Variants in SNX3 observed in about 807,000 individuals in gnomAD.
SNX3 encodes sorting nexin 3.
In SNX3, 5 loss-of-function variants were observed where a neutral mutation model predicts 17.7. The ratio of observed to expected loss-of-function variants is 0.28; its 90% CI spans 0.15 to 0.59. SNX3 has a LOEUF of 0.59. Among genes scored for constraint, SNX3 ranks in the 20% least tolerant of loss-of-function variants. The pLI, the probability that SNX3 is intolerant of heterozygous loss-of-function variation, is 0.88. For synonymous variants in SNX3, 91 were observed against 76.5 expected (o/e 1.19, Z -0.99); for missense variants, 132 against 206.8 (o/e 0.64, Z 2.22).
At chr6:108,221,843 C>T (rs1414387064) in intron 2 of SNX3, among the ~76,000 whole-genome samples, 1 of 152,150 alleles carries the variant, frequency 6.6e-6, no homozygotes, top group Non-Finnish European at 1.5e-5. Context: ...CTGCACCTGG[C>T]CCCTCTTTAT....
At chr6:108,227,272 A>G (rs906283025) in intron 1 of SNX3, among the ~76,000 whole-genome samples, 4 of 152,208 alleles carry the variant, frequency 2.6e-5, no homozygotes, top group Admixed American at 2.6e-4. Flanking sequence ...AAATTACTTT[A>G]CAAAGGGGAT....
At chr6:108,241,143 C>CAA (rs71274311) in intron 1 of SNX3, among the ~76,000 whole-genome samples, 15,679 of 51,088 alleles carry the variant, frequency 0.31, 4,229 homozygotes, top group East Asian at 0.57. Flanking sequence ...GACTCCGTCT[C>CAA]AAAAAAAAAA....
intron 1 of SNX3, among the ~76,000 whole-genome samples, chr6:108,226,080 G>T (rs1215227749): frequency 6.8e-6 from 1 of 146,584 alleles, no homozygotes; most frequent in Non-Finnish European, 1.5e-5. Context: ...GGAGAAGAAA[G>T]ATTTTATTTT....
chr6:108,238,117 A>AC (rs58342820), intron 1 of SNX3, among the ~76,000 whole-genome samples: 38 of 151,210 alleles, frequency 2.5e-4, no homozygotes, highest in African/African-American at 7.5e-4. Context: ...AAAAAAAAAA[A>AC]AAACAAACAA....
chr6:108,215,789 G>A (rs1774550273), intron 2 of SNX3, among the ~76,000 whole-genome samples: 1 of 152,068 alleles, frequency 6.6e-6, no homozygotes. Context: ...AAACTTAGCT[G>A]GGTGTGGTGG....
At chr6:108,254,494 G>A (rs1002488462) in intron 1 of SNX3, among the ~76,000 whole-genome samples, 2 of 152,186 alleles carry the variant, frequency 1.3e-5, no homozygotes, top group Non-Finnish European at 1.5e-5. Flanking sequence ...CTGAAGGTCC[G>A]AAAATCTAGG....
intron 1 of SNX3, among the ~76,000 whole-genome samples, chr6:108,242,983 C>T (rs1288961333): frequency 6.6e-6 from 1 of 152,184 alleles, no homozygotes; most frequent in Non-Finnish European, 1.5e-5. Context: ...AATTGTGAGA[C>T]CCTGAGCAAA....
At chr6:108,244,399 C>T (rs915247598) in intron 1 of SNX3, among the ~76,000 whole-genome samples, 4 of 152,178 alleles carry the variant, frequency 2.6e-5, no homozygotes, top group Admixed American at 2.0e-4. Flanking sequence ...AAGTGATCCT[C>T]CTGCTTTGGC....
chr6:108,247,145 T>C (rs1775716263), intron 1 of SNX3, among the ~76,000 whole-genome samples: 1 of 152,098 alleles, frequency 6.6e-6, no homozygotes, highest in Non-Finnish European at 1.5e-5. Context: ...CACTTTCTCT[T>C]TCCTGGCACC....
In SNX3 at chr6:108,236,538, T is replaced by C. The variant is rs892822662; in HGVS notation, c.163-13493A>G. On this transcript the variant is annotated intron_variant, in intron 1 of 3. Coordinates refer to ENST00000230085, the MANE Select transcript of SNX3 (RefSeq NM_003795.6). ...AGCTGGGACTACAGGCGCCCGCCAC[T>C]ACGCCCGGCTAATTTTTTGTATTTT... 1.6e-4 allele frequency among the ~76,000 whole-genome samples: 24 copies of C among 151,054 alleles called. No individual in the cohort carries two copies. The East Asian group carries it at 2.5e-3, about 16-fold the overall frequency.
intron 1 of SNX3, among the ~76,000 whole-genome samples, chr6:108,228,347 GC>G (rs1310763243): frequency 3.9e-5 from 6 of 151,948 alleles, no homozygotes; most frequent in Non-Finnish European, 4.4e-5. Flanking sequence ...TCAGGAGTTC[GC>G]GACCAGCCTG....
intron 2 of SNX3, among the ~76,000 whole-genome samples, chr6:108,220,687 T>C (rs1364405283): frequency 1.3e-5 from 2 of 152,092 alleles, no homozygotes; most frequent in Non-Finnish European, 2.9e-5. Flanking sequence ...AGCCTTAAGA[T>C]ATGTTTTGGG....
At chr6:108,248,310 A>G (rs945870225) in intron 1 of SNX3, among the ~76,000 whole-genome samples, 1 of 152,250 alleles carries the variant, frequency 6.6e-6, no homozygotes, top group Non-Finnish European at 1.5e-5. Flanking sequence ...ACAAGCATCT[A>G]GCAATGTCTG....
At chr6:108,246,732 A>G (rs1775704159) in intron 1 of SNX3, among the ~76,000 whole-genome samples, 1 of 152,008 alleles carries the variant, frequency 6.6e-6, no homozygotes, top group Non-Finnish European at 1.5e-5. Context: ...CATCAGAGAT[A>G]GAGTTTGCTG....
In SNX3 at chr6:108,260,760, C is replaced by T; in HGVS notation, c.162G>A (p.Lys54=). 1 of 1,613,740 alleles carries T rather than the reference C, an allele frequency of 6.2e-7. No homozygotes were observed. Among genetic ancestry groups the T allele is most frequent in the Non-Finnish European group, 8.5e-7 (1 of 1,179,794 alleles). The stretch of plus-strand genomic sequence containing the variant: ...TGGGAGAGGGGAGAGACGGCCTCAC[C>T]TTGACCCTGATTTCGTAAGTGGTGA... ...GRFTTYEIRV[K]TNLPIFKLKE... Residue 54 remains lysine (K), a splice_region_variant and synonymous_variant, in exon 1 of 4, where the codon AAG becomes AAA. Coordinates refer to ENST00000230085, the MANE Select transcript of SNX3 (RefSeq NM_003795.6).
chr6:108,260,949 G>GGCTCCCTCC lies in SNX3; in HGVS notation c.-37_-29dup, dbSNP rs746773208. ...CGCTGTAGCTGCTGCCGCCGCCGCGGGCTCCCTCCGCCCCCTCCGCGTTCA... is the reference window on the plus strand; with the variant it reads ...CGCTGTAGCTGCTGCCGCCGCCGCGGGCTCCCTCCGCTCCCTCCGCCCCCTCCGCGTTCA... On this transcript the variant is annotated 5_prime_UTR_variant, in exon 1 of 4. Transcript: ENST00000230085. The GGCTCCCTCC allele has an allele frequency of 7.0e-5, 107 of 1,536,292 alleles. No homozygotes were observed. Among genetic ancestry groups the GGCTCCCTCC allele is most frequent in the Non-Finnish European group, 8.7e-5 (100 of 1,144,404 alleles).
At chr6:108,251,926 G>C (rs1009856990) in intron 1 of SNX3, among the ~76,000 whole-genome samples, 2 of 151,958 alleles carry the variant, frequency 1.3e-5, no homozygotes, top group Non-Finnish European at 2.9e-5. Context: ...GCCAGGCATG[G>C]TGGTGCACGA....
chr6:108,217,078 TA>T (rs1262805615), intron 2 of SNX3, among the ~76,000 whole-genome samples: 2 of 151,990 alleles, frequency 1.3e-5, no homozygotes, highest in Admixed American at 1.3e-4. Context: ...AATTATTATT[TA>T]AAAAAAGAAT....
chr6:108,243,603 C>T (rs567920318), intron 1 of SNX3, among the ~76,000 whole-genome samples: 6 of 152,050 alleles, frequency 3.9e-5, no homozygotes, highest in African/African-American at 7.2e-5. Flanking sequence ...AAAGCCCTTC[C>T]GGCTGAAAAA....
Sources: allele counts gnomAD v4.1 joint callset (sites outside exome capture counted in the v4.1 genomes callset), GRCh38; gene constraint gnomAD v4.1.1; transcripts MANE v1.5; gene names NCBI Gene and HGNC (gene_info 2026-07-23, HGNC 2026-07-21).